The following PDGFD variants were observed in gnomAD, a reference collection of about 807,000 sequenced individuals.
PDGFD encodes platelet-derived growth factor D.
PDGFD carries 30 observed loss-of-function variants against 44.7 expected under a neutral mutation model. The ratio of observed to expected loss-of-function variants is 0.67; its 90% CI spans 0.50 to 0.91. The LOEUF (loss-of-function observed/expected upper bound fraction) is 0.91, where lower values mean the gene tolerates loss of function less well. Among genes scored for constraint, PDGFD ranks in the 40% least tolerant of loss-of-function variants. PDGFD has a pLI of 0.00. For synonymous variants in PDGFD, 173 were observed against 168.4 expected (o/e 1.03, Z -0.21); for missense variants, 445 against 457.8 (o/e 0.97, Z 0.25).
intron 3 of PDGFD, among the ~76,000 whole-genome samples, chr11:103,995,095 G>A (rs1442022683): frequency 6.6e-6 from 1 of 151,960 alleles, no homozygotes; most frequent in Non-Finnish European, 1.5e-5. Context: ...TGCCCAGGCT[G>A]GTCTCGAGTT....
intron 3 of PDGFD, among the ~76,000 whole-genome samples, chr11:103,965,172 T>C (rs1858996642): frequency 6.6e-6 from 1 of 152,146 alleles, no homozygotes; most frequent in African/African-American, 2.4e-5. Context: ...CTGCTCTCTC[T>C]GCATTTGACG....
At chr11:104,070,675 C>T (rs998662509) in intron 1 of PDGFD, among the ~76,000 whole-genome samples, 1 of 151,958 alleles carries the variant, frequency 6.6e-6, no homozygotes, top group African/African-American at 2.4e-5. Context: ...TTTTTTTTAG[C>T]TAACAATATA....
At chr11:104,148,126 T>C (rs1241618348) in intron 1 of PDGFD, among the ~76,000 whole-genome samples, 2 of 152,186 alleles carry the variant, frequency 1.3e-5, no homozygotes, top group African/African-American at 2.4e-5. Flanking sequence ...TAGATGACTA[T>C]AAGTTTTTTT....
intron 3 of PDGFD, among the ~76,000 whole-genome samples, chr11:103,995,066 A>G (rs1859515861): frequency 6.6e-6 from 1 of 151,932 alleles, no homozygotes; most frequent in Non-Finnish European, 1.5e-5. Context: ...TTTTTTGTAG[A>G]GATAGGGTCT....
intron 1 of PDGFD, among the ~76,000 whole-genome samples, chr11:104,115,088 A>T (rs1232898230): frequency 6.6e-6 from 1 of 151,600 alleles, no homozygotes; most frequent in East Asian, 1.9e-4. Flanking sequence ...CCACTGTGTC[A>T]TTCTTATGCT....
Position 104,059,185 on chromosome 11 carries a change from G to A in PDGFD, c.125-58930C>T, listed in dbSNP as rs186594809. On this transcript the variant is annotated intron_variant, in intron 1 of 6. Transcript: ENST00000393158. Reference sequence around the variant, plus strand: ...AAACAAATTTCAATGGCAAAAAAGAGTATTTGGAGCTAGGGAGTTTCACAG... The same window carrying A: ...AAACAAATTTCAATGGCAAAAAAGAATATTTGGAGCTAGGGAGTTTCACAG... 2.0e-5 allele frequency among the ~76,000 whole-genome samples: 3 copies of A among 152,260 alleles called. No individual in the cohort carries two copies. The East Asian group carries it at 5.8e-4, about 29-fold the overall frequency.
At chr11:104,119,533 A>AAT (rs1320608103) in intron 1 of PDGFD, among the ~76,000 whole-genome samples, 1 of 13,782 alleles carries the variant, frequency 7.3e-5, no homozygotes, top group Non-Finnish European at 1.7e-4. Flanking sequence ...ATATTGATAT[A>AAT]ATATATAATA....
At chr11:104,103,818 T>C (rs1428934700) in intron 1 of PDGFD, among the ~76,000 whole-genome samples, 1 of 152,132 alleles carries the variant, frequency 6.6e-6, no homozygotes, top group East Asian at 1.9e-4. Flanking sequence ...TGATAATAAT[T>C]ATAAATGACT....
intron 1 of PDGFD, among the ~76,000 whole-genome samples, chr11:104,063,386 A>T (rs1488586927): frequency 1.3e-5 from 2 of 151,914 alleles, no homozygotes; most frequent in Admixed American, 1.3e-4. Context: ...AGAGGAATTA[A>T]TCTGGGTTCT....
chr11:104,047,337 A>G (rs958756908), intron 1 of PDGFD, among the ~76,000 whole-genome samples: 1 of 147,542 alleles, frequency 6.8e-6, no homozygotes, highest in African/African-American at 2.5e-5. Context: ...CAATAGTTGA[A>G]CTAACTTACA....
intron 6 of PDGFD, among the ~76,000 whole-genome samples, chr11:103,922,721 A>T (rs1452806388): frequency 6.6e-6 from 1 of 151,970 alleles, no homozygotes; most frequent in Admixed American, 6.6e-5. Flanking sequence ...GCTACTTAAA[A>T]ATAATTCCTT....
chr11:104,042,819 A>G (rs1860378658), intron 1 of PDGFD, among the ~76,000 whole-genome samples: 1 of 152,232 alleles, frequency 6.6e-6, no homozygotes, highest in Admixed American at 6.5e-5. Flanking sequence ...TTACTTTATC[A>G]GGGCTTTACT....
chr11:103,998,749 T>G (rs1221987730), intron 2 of PDGFD, among the ~76,000 whole-genome samples: 1 of 152,186 alleles, frequency 6.6e-6, no homozygotes, highest in Non-Finnish European at 1.5e-5. Flanking sequence ...CTTGTGGGAC[T>G]GAGCCTTAAC....
intron 3 of PDGFD, among the ~76,000 whole-genome samples, chr11:103,990,037 T>A (rs1859426957): frequency 6.6e-6 from 1 of 152,212 alleles, no homozygotes; most frequent in Non-Finnish European, 1.5e-5. Context: ...TCACCTTAGC[T>A]AACCCTCTGG....
At chr11:103,960,274 C>A (rs1307007792) in intron 3 of PDGFD, among the ~76,000 whole-genome samples, 1 of 152,194 alleles carries the variant, frequency 6.6e-6, no homozygotes, top group Admixed American at 6.5e-5. Context: ...TTCTCCTCTA[C>A]TGGACTGGGA....
intron 3 of PDGFD, among the ~76,000 whole-genome samples, chr11:103,988,593 A>G (rs1343247480): frequency 6.6e-6 from 1 of 152,132 alleles, no homozygotes; most frequent in African/African-American, 2.4e-5. Flanking sequence ...GATACAGAGG[A>G]TGTTATGGAT....
intron 1 of PDGFD, among the ~76,000 whole-genome samples, chr11:104,081,876 C>G (rs1190333602): frequency 6.6e-6 from 1 of 151,992 alleles, no homozygotes; most frequent in African/African-American, 2.4e-5. Flanking sequence ...AAACATTTGT[C>G]TAAAATGATA....
chr11:103,943,766 G>A (rs989696928), intron 4 of PDGFD, 116 bp from the exon 5 acceptor site: 23 of 771,966 alleles, frequency 3.0e-5, no homozygotes, highest in East Asian at 1.4e-4. Context: ...GACATCATAC[G>A]TTTGAATGCT....
chr11:104,002,490 A>G (rs183992139), intron 1 of PDGFD, among the ~76,000 whole-genome samples: 46 of 152,256 alleles, frequency 3.0e-4, no homozygotes, highest in African/African-American at 1.1e-3. Flanking sequence ...CTATGATTGT[A>G]AGTTTCCCAA....
Sources: gnomAD v4.1 joint callset for allele counts (sites outside exome capture counted in the v4.1 genomes callset) on GRCh38, gnomAD v4.1.1 for gene constraint, MANE v1.5 for transcripts, NCBI Gene and HGNC (gene_info 2026-07-23, HGNC 2026-07-21) for gene names.